DOP1A: variants seen among roughly 807,000 people sequenced by gnomAD.
DOP1A encodes DOP1 leucine zipper like protein A, also known as protein DOP1A.
In DOP1A, 90 loss-of-function variants were observed where a neutral mutation model predicts 267.6. The ratio of observed to expected loss-of-function variants is 0.34; its 90% CI spans 0.28 to 0.40. The LOEUF (loss-of-function observed/expected upper bound fraction) is 0.40. Ranked by LOEUF, DOP1A falls within the 10% of genes least tolerant of loss-of-function variation. The pLI is 1.00. For missense variants in DOP1A, 2,437 were observed against 2,900.4 expected, an observed-to-expected ratio of 0.84 and a Z score of 3.67; for synonymous variants, 932 against 999.1, an observed-to-expected ratio of 0.93 and a Z score of 1.27.
intron 12 of DOP1A, among the ~76,000 whole-genome samples, chr6:83,123,752 C>A (rs1776706210): frequency 6.6e-6 from 1 of 152,050 alleles, no homozygotes; most frequent in Admixed American, 6.6e-5. Context: ...ACAAATAAGA[C>A]ATGCACGCGT....
intron 7 of DOP1A, among the ~76,000 whole-genome samples, chr6:83,117,445 C>T (rs954558216): frequency 2.0e-5 from 3 of 152,002 alleles, no homozygotes; most frequent in Non-Finnish European, 4.4e-5. Flanking sequence ...TCACGGTGCC[C>T]GGCCACATCA....
chr6:83,136,645 C>T (rs1778902890), intron 20 of DOP1A, among the ~76,000 whole-genome samples: 1 of 152,050 alleles, frequency 6.6e-6, no homozygotes, highest in South Asian at 2.1e-4. Flanking sequence ...GTCTTGGTTC[C>T]TCTCTCTGGC....
chr6:83,108,973 G>A lies in DOP1A; in HGVS notation c.384G>A (p.Leu128=). The A allele has an allele frequency of 6.2e-6, 10 of 1,613,672 alleles. No homozygotes were observed. Among genetic ancestry groups the A allele is most frequent in the Non-Finnish European group, 8.5e-6 (10 of 1,179,862 alleles). The change falls in exon 5 of 39, where the codon TTG becomes TTA. Residue 128 remains leucine, a synonymous_variant. Transcript: ENST00000349129. ...CTGTGAAACCAACATTGCTCAGTTT[G>A]TATGAGATATATTATCTGCCTTTGG... ...AMSVKPTLLS[L]YEIYYLPLGK...
chr6:83,078,309 T>C (rs1767474693), intron 1 of DOP1A, among the ~76,000 whole-genome samples: 1 of 152,240 alleles, frequency 6.6e-6, no homozygotes, highest in Admixed American at 6.5e-5. Flanking sequence ...TCTTATACGC[T>C]AAGTTAACAC....
chr6:83,162,919 G>C lies in DOP1A; in HGVS notation c.7092G>C (p.Lys2364Asn). The change falls in exon 38 of 39, where the codon AAG becomes AAC. Residue 2364 changes from lysine to asparagine, a missense_variant and splice_region_variant. By Grantham distance (94) the Lys-to-Asn change is moderately conservative. Coordinates refer to ENST00000349129, the MANE Select transcript of DOP1A (RefSeq NM_015018.4). Reference protein sequence around the residue: ...RLAKLLRKRAKKNPEEDNSGR... With the variant: ...RLAKLLRKRANKNPEEDNSGR... ...CAAAACTTCTTCGGAAAAGAGCAAA[G>C]GTATCGCATTCTTTTGTGATTGTTT... is the stretch of plus-strand genomic sequence containing the variant. 6.2e-7 allele frequency: 1 copy of C among 1,610,094 alleles called. No individual in the cohort carries two copies. Among genetic ancestry groups the C allele is most frequent in the Non-Finnish European group, 8.5e-7 (1 of 1,177,914 alleles).
chr6:83,113,033 AAT>A (rs144420567), intron 6 of DOP1A, among the ~76,000 whole-genome samples: 8 of 150,900 alleles, frequency 5.3e-5, no homozygotes, highest in Non-Finnish European at 7.4e-5. Context: ...GCAGGTTTGG[AAT>A]ATATATATAT....
chr6:83,104,272 CTTTTTTTGCCTTATT>C (rs763840113), intron 4 of DOP1A, among the ~76,000 whole-genome samples: 1 of 152,040 alleles, frequency 6.6e-6, no homozygotes, highest in African/African-American at 2.4e-5. Context: ...AATTTCATAT[CTTTTTTTGCCTTATT>C]GTATTGACTA....
At chr6:83,085,778 TTTATGTTATG>T (rs55657605) in intron 1 of DOP1A, among the ~76,000 whole-genome samples, 8,205 of 142,984 alleles carry the variant, frequency 0.057, 418 homozygotes, top group African/African-American at 0.14. Flanking sequence ...TTTGCGGTAT[TTTATGTTATG>T]TTATGTTATG....
chr6:83,100,902 C>T lies in DOP1A; in HGVS notation c.320+16C>T. 1.4e-6 allele frequency: 2 copies of T among 1,428,120 alleles called. No homozygotes were observed. The highest frequency in any genetic ancestry group is 1.9e-6 in the Non-Finnish European group (2 of 1,066,866). The allele number at this position is 1,428,120 out of a possible 1,614,324, so 88.5% of individuals were successfully genotyped here. A position where few individuals can be genotyped will look rare whatever the true frequency, so the allele number is the denominator to read the frequency against. On this transcript the variant is annotated intron_variant, in intron 4 of 38. Coordinates refer to ENST00000349129, the MANE Select transcript of DOP1A (RefSeq NM_015018.4). ...TTTTATATAGGTAAGAATAATTTTA[C>T]TATATATATACAAATAATATAAAGA...
chr6:83,145,491 A>T lies in DOP1A; in HGVS notation c.5542-33A>T, dbSNP rs183997452. The T allele has an allele frequency of 5.1e-5, 78 of 1,530,914 alleles. No individual in the cohort carries two copies. In the African/African-American group the frequency reaches 9.9e-4, roughly 19 times the overall value. The allele number at this position is 1,530,914 out of a possible 1,614,324, so 94.8% of individuals were successfully genotyped here. A position where few individuals can be genotyped will look rare whatever the true frequency, so the allele number is the denominator to read the frequency against. On this transcript the variant is annotated intron_variant, in intron 24 of 38. Transcript: ENST00000349129. ...AACTTCCCCTAAAAGACTTATATAC[A>T]TACATACATACATACAATGATTTAT...
chr6:83,138,064 A>G lies in DOP1A; in HGVS notation c.4022A>G (p.Asp1341Gly). The G allele has an allele frequency of 6.2e-7, 1 of 1,613,582 alleles. No homozygotes were observed. Among genetic ancestry groups the G allele is most frequent in the Non-Finnish European group, 8.5e-7 (1 of 1,179,776 alleles). The change falls in exon 21 of 39, where the codon GAC (aspartate) becomes GGC (glycine). Residue 1341 changes from aspartate (D) to glycine (G), a missense_variant. Physicochemically the swap from Asp to Gly is moderately conservative, Grantham distance 94. Transcript: ENST00000349129. ...LENWYSCGEG[D>G]ISEIESDMGS... ...AACTGGTATAGCTGTGGAGAGGGAGACATTTCTGAAATTGAGAGTGACATG... is the reference window on the plus strand; with the variant it reads ...AACTGGTATAGCTGTGGAGAGGGAGGCATTTCTGAAATTGAGAGTGACATG...
Position 83,135,807 on chromosome 6 carries a change from G to A in DOP1A, c.3059G>A (p.Trp1020Ter). 6.2e-7 allele frequency: 1 copy of A among 1,613,478 alleles called. No individual in the cohort carries two copies. The highest frequency in any genetic ancestry group is 1.7e-5 in the Admixed American group (1 of 59,974). ...SVQRVQAERY[W>*]NKSPCYPGEE... ...CAGCGTGTACAAGCAGAACGTTATT[G>A]GAATAAGTCTCCCTGTTATCCAGGA... Residue 1020 changes from tryptophan (W) to a stop codon, truncating the protein, a stop_gained, in exon 20 of 39, where the codon TGG becomes TAG. Transcript: ENST00000349129. LOFTEE classifies it high-confidence loss of function.
intron 24 of DOP1A, 150 bp from the exon 25 acceptor site, chr6:83,145,374 G>A (rs1780474059): frequency 1.6e-6 from 1 of 607,492 alleles, no homozygotes; most frequent in African/African-American, 2.1e-5. Flanking sequence ...TTTGAGCACA[G>A]GAGTTTGAGA....
intron 12 of DOP1A, among the ~76,000 whole-genome samples, chr6:83,123,609 G>A (rs1263071557): frequency 6.6e-6 from 1 of 151,986 alleles, no homozygotes; most frequent in Non-Finnish European, 1.5e-5. Flanking sequence ...AATGTTAATT[G>A]TTGCTCCTAC....
At position 83,151,535 on chromosome 6, in the gene DOP1A, G is replaced by A. The variant is rs868253720; in HGVS notation, c.5838-58G>A. The A allele has an allele frequency of 1.5e-5, 21 of 1,378,414 alleles. No individual in the cohort carries two copies. The Middle Eastern group carries it at 2.6e-3, about 174-fold the overall frequency. 85.4% of individuals were successfully genotyped at this position (1,378,414 alleles called of 1,614,324 possible). A position where few individuals can be genotyped will look rare whatever the true frequency, so the allele number is the denominator to read the frequency against. On this transcript the variant is annotated intron_variant, in intron 27 of 38. Transcript: ENST00000349129. ...TTAACTCATCGTGAGAAATTAGATC[G>A]CATTAGTTTCTTTTAGCCTGATATT...
At chr6:83,125,117 T>A (rs1465605324) in intron 13 of DOP1A, 49 bp from the exon 14 acceptor site, 1 of 1,533,494 alleles carries the variant, frequency 6.5e-7, no homozygotes, top group Non-Finnish European at 8.8e-7. Context: ...TTTGGAAATC[T>A]TTTCCCTTCT....
chr6:83,118,851 A>G, intron 7 of DOP1A, 37 bp from the exon 8 acceptor site: 10 of 1,570,814 alleles, frequency 6.4e-6, no homozygotes, highest in Non-Finnish European at 8.8e-6. Flanking sequence ...TATATATTGT[A>G]TATTGCTAAG....
chr6:83,167,653 C>A, intron 38 of DOP1A: 1 of 1,286,310 alleles, frequency 7.8e-7, no homozygotes, highest in East Asian at 3.0e-5. Flanking sequence ...GGAACTATTA[C>A]TACAATGTTA....
intron 1 of DOP1A, among the ~76,000 whole-genome samples, chr6:83,096,350 TG>T (rs1771507051): frequency 6.6e-6 from 1 of 151,464 alleles, no homozygotes; most frequent in Non-Finnish European, 1.5e-5. Flanking sequence ...CCCAAGTAGC[TG>T]GGATTACAGG....
Sources: allele counts gnomAD v4.1 joint callset (sites outside exome capture counted in the v4.1 genomes callset), GRCh38; gene constraint gnomAD v4.1.1; transcripts MANE v1.5; gene names NCBI Gene and HGNC (gene_info 2026-07-23, HGNC 2026-07-21).